COL26A1: variants seen among roughly 807,000 people sequenced by gnomAD.
COL26A1 encodes collagen alpha-1(XXVI) chain.
Under a neutral mutation model 59.3 loss-of-function variants are expected in COL26A1, and 41 were observed. That is an observed-to-expected ratio of 0.69 (90% CI 0.54 to 0.90). COL26A1 has a LOEUF of 0.90. Ranked by LOEUF, COL26A1 falls within the 40% of genes least tolerant of loss-of-function variation. The pLI is 0.00. For synonymous variants in COL26A1, 266 were observed against 256.0 expected, an observed-to-expected ratio of 1.04 and a Z score of -0.37; for missense variants, 612 against 602.3, an observed-to-expected ratio of 1.02 and a Z score of -0.17.
chr7:101,376,756 G>T (rs1202070907), intron 1 of COL26A1, among the ~76,000 whole-genome samples: 8 of 152,214 alleles, frequency 5.3e-5, no homozygotes, highest in African/African-American at 1.9e-4. Flanking sequence ...TCAGTGCAGA[G>T]GATCATCCCC....
At chr7:101,554,414 G>A (rs1024281617) in intron 11 of COL26A1, among the ~76,000 whole-genome samples, 1 of 151,978 alleles carries the variant, frequency 6.6e-6, no homozygotes, top group African/African-American at 2.4e-5. Flanking sequence ...GTCACTCACA[G>A]CAGTACTCTG....
intron 1 of COL26A1, among the ~76,000 whole-genome samples, chr7:101,363,468 T>G (rs886450068): frequency 1.4e-5 from 1 of 73,864 alleles, no homozygotes; most frequent in Non-Finnish European, 2.5e-5. Context: ...TGGCGGTGGC[T>G]GGGGGTTGGG....
At chr7:101,412,471 C>G (rs1446914688) in intron 1 of COL26A1, among the ~76,000 whole-genome samples, 2 of 151,850 alleles carry the variant, frequency 1.3e-5, no homozygotes, top group African/African-American at 2.4e-5. Flanking sequence ...ATGGTGAAAC[C>G]CCCTCTCTAC....
At chr7:101,491,958 TG>T (rs1191904048) in intron 3 of COL26A1, among the ~76,000 whole-genome samples, 1 of 152,152 alleles carries the variant, frequency 6.6e-6, no homozygotes, top group Non-Finnish European at 1.5e-5. Flanking sequence ...ACCTGGCATT[TG>T]GGATGCATGT....
intron 5 of COL26A1, among the ~76,000 whole-genome samples, chr7:101,540,348 G>T (rs537170854): frequency 2.0e-5 from 3 of 152,022 alleles, no homozygotes; most frequent in Non-Finnish European, 4.4e-5. Context: ...GACCAGCCTG[G>T]CCAACATGGT....
chr7:101,470,847 C>G (rs1207075848), intron 3 of COL26A1, among the ~76,000 whole-genome samples: 3 of 152,082 alleles, frequency 2.0e-5, no homozygotes, highest in Admixed American at 6.6e-5. Context: ...AGTTCCCACC[C>G]TCTAGTCACG....
In COL26A1 at chr7:101,525,710, A is replaced by C. The variant is rs567823304; in HGVS notation, c.386-7372A>C. ...ACGGGGTTTCACTGTGTTAGCCAGGATGGTCTCGATCTCCTGACCTCGTGA... is the reference window on the plus strand; with the variant it reads ...ACGGGGTTTCACTGTGTTAGCCAGGCTGGTCTCGATCTCCTGACCTCGTGA... On this transcript the variant is annotated intron_variant, in intron 3 of 12. Transcript: ENST00000313669. Among the ~76,000 whole-genome samples, 53 of 151,784 alleles carry C rather than the reference A, an allele frequency of 3.5e-4. 1 individual carries two copies. The highest frequency in any genetic ancestry group is 1.2e-3 in the African/African-American group (49 of 41,382).
chr7:101,556,996 GAT>G (rs1314274354), intron 12 of COL26A1, among the ~76,000 whole-genome samples: 451 of 14,204 alleles, frequency 0.032, 10 homozygotes, highest in Admixed American at 0.21. Context: ...TGGATGGGTG[GAT>G]GGATGGATGG....
rs140835980 is a variant in COL26A1, at chr7:101,423,689, C to T, written c.281+3590C>T. Among the ~76,000 whole-genome samples, 367 of 151,992 alleles carry T rather than the reference C, an allele frequency of 2.4e-3. 1 individual carries two copies. Among genetic ancestry groups the T allele is most frequent in the African/African-American group, 8.5e-3 (354 of 41,452 alleles). On this transcript the variant is annotated intron_variant, in intron 2 of 12. Coordinates refer to ENST00000313669, the MANE Select transcript of COL26A1 (RefSeq NM_001278563.3). ...GGCGGAGGTTGCAGTGAGCCGAGATCGCACCACCGCACTACAGCCTGGGCG... is the reference window on the plus strand; with the variant it reads ...GGCGGAGGTTGCAGTGAGCCGAGATTGCACCACCGCACTACAGCCTGGGCG...
At chr7:101,390,341 T>A (rs1791699829) in intron 1 of COL26A1, among the ~76,000 whole-genome samples, 1 of 151,950 alleles carries the variant, frequency 6.6e-6, no homozygotes, top group South Asian at 2.1e-4. Context: ...TTGGCCAGGC[T>A]GGTCTTGAAC....
intron 3 of COL26A1, among the ~76,000 whole-genome samples, chr7:101,529,364 G>A (rs1302866887): frequency 1.3e-5 from 2 of 151,992 alleles, no homozygotes; most frequent in Non-Finnish European, 2.9e-5. Flanking sequence ...TGCCTCCCGG[G>A]TTCAAGCGAT....
chr7:101,514,839 A>G (rs1254661740), intron 3 of COL26A1, among the ~76,000 whole-genome samples: 3 of 152,212 alleles, frequency 2.0e-5, no homozygotes, highest in African/African-American at 7.2e-5. Flanking sequence ...CGCCACCACC[A>G]TATCCCTAAA....
intron 3 of COL26A1, among the ~76,000 whole-genome samples, chr7:101,516,756 G>A (rs1795036988): frequency 6.6e-6 from 1 of 152,154 alleles, no homozygotes; most frequent in Non-Finnish European, 1.5e-5. Context: ...CGTGTCGGGG[G>A]CAGGGCCCAG....
At chr7:101,466,799 T>G (rs1584432957) in intron 3 of COL26A1, among the ~76,000 whole-genome samples, 2 of 86,066 alleles carry the variant, frequency 2.3e-5, no homozygotes, top group African/African-American at 7.5e-5. Context: ...TGTTCTGGTG[T>G]GTGTGTGTGT....
intron 3 of COL26A1, among the ~76,000 whole-genome samples, chr7:101,496,597 C>A (rs950609279): frequency 6.6e-6 from 1 of 152,054 alleles, no homozygotes; most frequent in Non-Finnish European, 1.5e-5. Context: ...AGATCTAGAC[C>A]CCAAGAGAGG....
Position 101,545,446 on chromosome 7 carries a change from C to T in COL26A1, c.812C>T (p.Pro271Leu), listed in dbSNP as rs766773360. 47 of 1,608,558 alleles carry T rather than the reference C, an allele frequency of 2.9e-5. 1 individual carries two copies. In the South Asian group the frequency reaches 4.7e-4, roughly 16 times the overall value. ...AACCCAGGCCCCTCACCAAACAGCC[C>T]CCAGGGCGCCCTCTACTCCCTGCAG... Reference protein sequence around the residue: ...AGNPGPSPNSPQGALYSLQPP... With the variant: ...AGNPGPSPNSLQGALYSLQPP... Residue 271 changes from proline to leucine, a missense_variant, in exon 7 of 13, where the codon CCC becomes CTC. Physicochemically the swap from Pro to Leu is moderately conservative, Grantham distance 98. Coordinates refer to ENST00000313669, the MANE Select transcript of COL26A1 (RefSeq NM_001278563.3).
chr7:101,528,598 A>T (rs1471000239), intron 3 of COL26A1, among the ~76,000 whole-genome samples: 1 of 150,182 alleles, frequency 6.7e-6, no homozygotes, highest in Non-Finnish European at 1.5e-5. Context: ...CCCAAACTGT[A>T]GTGCAGTGGC....
chr7:101,497,377 A>C (rs945629967), intron 3 of COL26A1, among the ~76,000 whole-genome samples: 4 of 152,140 alleles, frequency 2.6e-5, no homozygotes, highest in Non-Finnish European at 5.9e-5. Flanking sequence ...TGAGCCTCTT[A>C]AAGGTATTTA....
chr7:101,490,289 T>C (rs1031040823), intron 3 of COL26A1, among the ~76,000 whole-genome samples: 2 of 151,984 alleles, frequency 1.3e-5, no homozygotes, highest in East Asian at 2.0e-4. Flanking sequence ...GTTGCCCAAG[T>C]TGGCCTCAAA....
Sources: gnomAD v4.1 joint callset for allele counts (sites outside exome capture counted in the v4.1 genomes callset) on GRCh38, gnomAD v4.1.1 for gene constraint, MANE v1.5 for transcripts, NCBI Gene and HGNC (gene_info 2026-07-23, HGNC 2026-07-21) for gene names.